Variants in CFAP61 observed in about 807,000 individuals in gnomAD.
CFAP61 encodes cilia- and flagella-associated protein 61.
In CFAP61, 107 loss-of-function variants were observed where a neutral mutation model predicts 135.6. That is an observed-to-expected ratio of 0.79 (90% CI 0.67 to 0.93). The LOEUF is 0.93. Among genes scored for constraint, CFAP61 ranks in the 40% least tolerant of loss-of-function variants. The pLI is 0.00. For synonymous variants in CFAP61, 575 were observed against 578.5 expected, an observed-to-expected ratio of 0.99 and a Z score of 0.09; for missense variants, 1,507 against 1,556.2, an observed-to-expected ratio of 0.97 and a Z score of 0.53.
chr20:20,088,917 A>T (rs530828293), intron 6 of CFAP61, among the ~76,000 whole-genome samples: 2 of 152,286 alleles, frequency 1.3e-5, no homozygotes, highest in South Asian at 4.1e-4. Context: ...CAAAGGTTTC[A>T]TCCTGGGAGC....
chr20:20,200,020 G>A, intron 17 of CFAP61, 118 bp downstream of exon 17: 1 of 1,204,874 alleles, frequency 8.3e-7, no homozygotes, highest in Non-Finnish European at 1.2e-6. Flanking sequence ...GGAACCTGGT[G>A]CTCATACCCT....
rs184052315 is a variant in CFAP61 at position 20,248,099 on chromosome 20, C to G, written c.2159+1884C>G. 2.9e-3 allele frequency among the ~76,000 whole-genome samples: 437 copies of G among 152,240 alleles called. 2 individuals carry two copies. Among genetic ancestry groups the G allele is most frequent in the African/African-American group, 9.5e-3 (395 of 41,540 alleles). ...TGTATACTCAATACCTGGGTCAGTC[C>G]TTGGCACATAGCAGATGCCCAGTAA... On this transcript the variant is annotated intron_variant, in intron 19 of 26. Coordinates refer to ENST00000245957, the MANE Select transcript of CFAP61 (RefSeq NM_015585.4).
intron 17 of CFAP61, among the ~76,000 whole-genome samples, chr20:20,212,327 A>G (rs546317642): frequency 6.6e-6 from 1 of 152,140 alleles, no homozygotes; most frequent in Admixed American, 6.5e-5. Flanking sequence ...TCACACACAC[A>G]CCAGGCATAC....
intron 8 of CFAP61, among the ~76,000 whole-genome samples, chr20:20,129,486 A>C (rs537824595): frequency 2.3e-4 from 35 of 151,460 alleles, no homozygotes; most frequent in Admixed American, 3.3e-4. Context: ...TGCTTTTAGG[A>C]TCCTCTCTTT....
chr20:20,282,664 G>A (rs753374443), intron 22 of CFAP61, among the ~76,000 whole-genome samples: 2 of 152,088 alleles, frequency 1.3e-5, no homozygotes, highest in Non-Finnish European at 2.9e-5. Flanking sequence ...TAGAGCCAGG[G>A]ACGGTAACTC....
intron 25 of CFAP61, among the ~76,000 whole-genome samples, chr20:20,340,348 G>C (rs1389504923): frequency 6.6e-6 from 1 of 152,170 alleles, no homozygotes; most frequent in Non-Finnish European, 1.5e-5. Context: ...TTTGCCAGGG[G>C]TTCAGAGGGA....
At chr20:20,132,294 T>C (rs1459899892) in intron 8 of CFAP61, among the ~76,000 whole-genome samples, 1 of 152,150 alleles carries the variant, frequency 6.6e-6, no homozygotes, top group Non-Finnish European at 1.5e-5. Context: ...CTGTTGTATA[T>C]ATATATATGC....
intron 17 of CFAP61, among the ~76,000 whole-genome samples, chr20:20,215,597 T>A (rs972655659): frequency 1.3e-5 from 2 of 152,192 alleles, no homozygotes; most frequent in African/African-American, 4.8e-5. Flanking sequence ...GTTAAAATAG[T>A]TTAATTGCAA....
chr20:20,223,285 A>ATTTTT (rs1287915962), intron 17 of CFAP61, among the ~76,000 whole-genome samples: 1 of 152,168 alleles, frequency 6.6e-6, no homozygotes, highest in East Asian at 1.9e-4. Flanking sequence ...ATTTACTACC[A>ATTTTT]TTTTATACCC....
intron 13 of CFAP61, among the ~76,000 whole-genome samples, chr20:20,176,542 T>C (rs1292523406): frequency 6.6e-6 from 1 of 152,172 alleles, no homozygotes; most frequent in East Asian, 1.9e-4. Flanking sequence ...AGAAATAAGA[T>C]CATGTCCTTT....
intron 22 of CFAP61, among the ~76,000 whole-genome samples, chr20:20,280,933 GT>G (rs2054154858): frequency 6.6e-6 from 1 of 151,662 alleles, no homozygotes; most frequent in South Asian, 2.1e-4. Flanking sequence ...GTGTCATTGT[GT>G]TTTTTTTAAT....
At chr20:20,308,104 C>T (rs1927334) in intron 25 of CFAP61, among the ~76,000 whole-genome samples, 22,732 of 152,154 alleles carry the variant, frequency 0.15, 1,883 homozygotes, top group East Asian at 0.28. Flanking sequence ...AACTGCCCCA[C>T]GTGACAAGTG....
chr20:20,273,138 C>T (rs141039941), intron 21 of CFAP61, among the ~76,000 whole-genome samples: 124 of 150,882 alleles, frequency 8.2e-4, no homozygotes, highest in South Asian at 1.7e-3. Context: ...GTCTTGGCCT[C>T]CCAAAGTGCT....
At chr20:20,052,932 G>T (rs565319582) in intron 1 of CFAP61, among the ~76,000 whole-genome samples, 2 of 149,416 alleles carry the variant, frequency 1.3e-5, no homozygotes, top group African/African-American at 2.5e-5. Context: ...ATTCTAAGGT[G>T]CCCAAATAAT....
intron 14 of CFAP61, among the ~76,000 whole-genome samples, chr20:20,189,028 T>C (rs983892213): frequency 1.3e-5 from 2 of 152,238 alleles, no homozygotes; most frequent in African/African-American, 4.8e-5. Context: ...TATTATAGCA[T>C]GAGGTATTTC....
At chr20:20,108,273 C>A (rs996666668) in intron 8 of CFAP61, among the ~76,000 whole-genome samples, 5 of 152,236 alleles carry the variant, frequency 3.3e-5, no homozygotes, top group Non-Finnish European at 7.4e-5. Flanking sequence ...TGTTCTTTGA[C>A]TTCAACTATA....
chr20:20,172,196 T>A, intron 13 of CFAP61: 2 of 933,134 alleles, frequency 2.1e-6, no homozygotes, highest in Non-Finnish European at 2.6e-6. Context: ...TTCTAAAAAG[T>A]TACACAGGAT....
At chr20:20,082,824 T>A (rs756965325) in intron 6 of CFAP61, among the ~76,000 whole-genome samples, 13 of 152,120 alleles carry the variant, frequency 8.5e-5, no homozygotes, top group Non-Finnish European at 1.6e-4. Flanking sequence ...ATGGCCATAA[T>A]TTAAAAGTCA....
intron 8 of CFAP61, among the ~76,000 whole-genome samples, chr20:20,117,894 T>C (rs546250209): frequency 6.6e-6 from 1 of 152,332 alleles, no homozygotes; most frequent in Admixed American, 6.5e-5. Flanking sequence ...TCAGATTGTT[T>C]ACTGTTGGTG....
Sources: gnomAD v4.1 joint callset for allele counts (sites outside exome capture counted in the v4.1 genomes callset) on GRCh38, gnomAD v4.1.1 for gene constraint, MANE v1.5 for transcripts, NCBI Gene and HGNC (gene_info 2026-07-23, HGNC 2026-07-21) for gene names.